DSE: variants seen among roughly 807,000 people sequenced by gnomAD.
DSE encodes dermatan sulfate epimerase, also known as dermatan-sulfate epimerase.
DSE carries 36 observed loss-of-function variants against 84.4 expected under a neutral mutation model. The ratio of observed to expected loss-of-function variants is 0.43; its 90% CI spans 0.33 to 0.56. DSE has a LOEUF of 0.56. DSE is among the 20% of genes least tolerant of loss of function. DSE has a pLI of 0.06. For missense variants in DSE, 862 were observed against 1,169.6 expected, an observed-to-expected ratio of 0.74 and a Z score of 3.84; for synonymous variants, 410 against 430.1, an observed-to-expected ratio of 0.95 and a Z score of 0.58.
chr6:116,340,233 C>A (rs950432369), intron 2 of DSE, among the ~76,000 whole-genome samples: 11 of 152,138 alleles, frequency 7.2e-5, no homozygotes, highest in African/African-American at 2.7e-4. Flanking sequence ...CTCCTTCTCT[C>A]TCTTGTTTCC....
chr6:116,371,337 C>A (rs1196314927), intron 1 of DSE, among the ~76,000 whole-genome samples: 1 of 152,214 alleles, frequency 6.6e-6, no homozygotes, highest in Non-Finnish European at 1.5e-5. Flanking sequence ...CCACGGGCTT[C>A]CCCGGCGGCG....
At chr6:116,346,900 C>T (rs1487750957) in intron 2 of DSE, among the ~76,000 whole-genome samples, 1 of 152,192 alleles carries the variant, frequency 6.6e-6, no homozygotes, top group Non-Finnish European at 1.5e-5. Flanking sequence ...TCTCCTTAAG[C>T]TGATAAGCAA....
intron 1 of DSE, chr6:116,258,424 AT>A: frequency 6.9e-6 from 5 of 725,134 alleles, no homozygotes; most frequent in Non-Finnish European, 7.6e-6. Context: ...CTTAGTTGTA[AT>A]TTTTTTGCTT....
chr6:116,368,635 C>T (rs1201041277), upstream of DSE, among the ~76,000 whole-genome samples: 1 of 152,178 alleles, frequency 6.6e-6, no homozygotes, highest in African/African-American at 2.4e-5. Context: ...GCCATGGAAG[C>T]TCCAAGGATA....
intron 2 of DSE, among the ~76,000 whole-genome samples, chr6:116,301,216 T>C (rs912838602): frequency 4.6e-5 from 7 of 152,010 alleles, no homozygotes; most frequent in Non-Finnish European, 1.0e-4. Context: ...AACATAGGCA[T>C]TCATGCACAT....
chr6:116,415,696 C>A (rs964588206), intron 2 of DSE, among the ~76,000 whole-genome samples: 9 of 151,550 alleles, frequency 5.9e-5, no homozygotes, highest in African/African-American at 2.2e-4. Flanking sequence ...TTTTATTGCA[C>A]TTACCTTCCT....
intron 2 of DSE, chr6:116,279,702 T>C: frequency 2.5e-6 from 4 of 1,610,986 alleles, no homozygotes; most frequent in Non-Finnish European, 3.4e-6. Context: ...CCATCACCTG[T>C]GTCGCCTCGC....
chr6:116,367,232 A>G (rs1339789380), upstream of DSE: 2 of 152,276 alleles, frequency 1.3e-5, no homozygotes, highest in African/African-American at 4.8e-5. Flanking sequence ...GTACAAGTAC[A>G]GGGCAGTATG....
At chr6:116,314,996 T>C (rs979612862) in intron 2 of DSE, among the ~76,000 whole-genome samples, 2 of 152,226 alleles carry the variant, frequency 1.3e-5, no homozygotes, top group East Asian at 1.9e-4. Context: ...CCCATTGTTT[T>C]ACCATCTGTC....
intron 2 of DSE, among the ~76,000 whole-genome samples, chr6:116,325,915 A>G (rs1182446581): frequency 1.3e-5 from 2 of 152,170 alleles, no homozygotes; most frequent in East Asian, 3.9e-4. Flanking sequence ...GGGGATGCAC[A>G]TGAGAGGATC....
At chr6:116,259,580 A>G (rs1460493888) in intron 2 of DSE, among the ~76,000 whole-genome samples, 2 of 152,202 alleles carry the variant, frequency 1.3e-5, no homozygotes, top group African/African-American at 4.8e-5. Flanking sequence ...GGTTTGTTGT[A>G]TAGATTATTT....
intron 2 of DSE, among the ~76,000 whole-genome samples, chr6:116,291,450 C>A (rs1050110103): frequency 3.3e-5 from 5 of 151,736 alleles, no homozygotes; most frequent in African/African-American, 1.2e-4. Flanking sequence ...GACTCAAATA[C>A]AAGTAGAAGT....
At chr6:116,299,547 TATATACACATAC>T (rs1405885704) in intron 2 of DSE, among the ~76,000 whole-genome samples, 62 of 50,026 alleles carry the variant, frequency 1.2e-3, no homozygotes, top group African/African-American at 5.8e-3. Flanking sequence ...TATATATATA[TATATACACATAC>T]ACACACACAC....
rs1784096437 is a variant in DSE, at chr6:116,435,620, A to G, written c.1152A>G (p.Pro384=). ...YDGSLKSVPP[P]DFGTPTLHYF... ...GCAGCTTGAAATCGGTTCCTCCTCC[A>G]GACTTTGGCACCCCTACACTGCATT... Residue 384 remains proline (P), a synonymous_variant, in exon 6 of 6, where the codon CCA becomes CCG. Transcript: ENST00000644252. 1 of 1,590,494 alleles carries G rather than the reference A, an allele frequency of 6.3e-7. No homozygotes were observed. Among genetic ancestry groups the G allele is most frequent in the Non-Finnish European group, 8.6e-7 (1 of 1,167,556 alleles).
chr6:116,352,376 G>T (rs1045477058), intron 2 of DSE, among the ~76,000 whole-genome samples: 1 of 152,136 alleles, frequency 6.6e-6, no homozygotes, highest in Non-Finnish European at 1.5e-5. Context: ...TGATCACAAG[G>T]GTTCTCCAAA....
intron 2 of DSE, among the ~76,000 whole-genome samples, chr6:116,292,489 A>G (rs1277442057): frequency 7.9e-5 from 12 of 152,154 alleles, no homozygotes; most frequent in Admixed American, 7.2e-4. Flanking sequence ...TGAATGATAA[A>G]TGAACATATA....
chr6:116,362,526 C>T (rs1778961926), intron 2 of DSE, among the ~76,000 whole-genome samples: 1 of 152,158 alleles, frequency 6.6e-6, no homozygotes. Context: ...GTGCAGGCCA[C>T]GTGAGAACAT....
At chr6:116,279,874 TCAGAGGCCGAA>T in intron 2 of DSE, 3 of 1,612,932 alleles carry the variant, frequency 1.9e-6, no homozygotes, top group Non-Finnish European at 2.5e-6. Flanking sequence ...CCCGTTTTCC[TCAGAGGCCGAA>T]CTGGGAGCTA....
chr6:116,380,756 T>C (rs1780172985), intron 1 of DSE, among the ~76,000 whole-genome samples: 1 of 152,178 alleles, frequency 6.6e-6, no homozygotes, highest in Non-Finnish European at 1.5e-5. Flanking sequence ...GGTGATCAAA[T>C]CCCTTTTGGA....
Sources: gnomAD v4.1 joint callset for allele counts (sites outside exome capture counted in the v4.1 genomes callset) on GRCh38, gnomAD v4.1.1 for gene constraint, MANE v1.5 for transcripts, NCBI Gene and HGNC (gene_info 2026-07-23, HGNC 2026-07-21) for gene names.